Variants in SMC6 observed in about 807,000 individuals in gnomAD.
SMC6 encodes the protein structural maintenance of chromosomes 6.
SMC6 carries 79 observed loss-of-function variants against 142.2 expected under a neutral mutation model. The ratio of observed to expected loss-of-function variants is 0.56; its 90% CI spans 0.46 to 0.67. The LOEUF is 0.67. SMC6 is among the 30% of genes least tolerant of loss of function. SMC6 has a pLI of 0.00. For missense variants in SMC6, 1,072 were observed against 1,284.0 expected, an observed-to-expected ratio of 0.83 and a Z score of 2.52; for synonymous variants, 411 against 412.4, an observed-to-expected ratio of 1.00 and a Z score of 0.04.
chr2:17,702,233 C>T (rs1668304341), intron 19 of SMC6, among the ~76,000 whole-genome samples: 1 of 152,072 alleles, frequency 6.6e-6, no homozygotes, highest in Non-Finnish European at 1.5e-5. Context: ...TATTCTAATC[C>T]AGTGGTTTTC....
chr2:17,665,665 TA>T (rs759519914), intron 27 of SMC6, 52 bp from the exon 28 acceptor site: 48 of 1,172,320 alleles, frequency 4.1e-5, no homozygotes, highest in East Asian at 1.3e-4. Context: ...TTTTACCAAT[TA>T]AAAAAAATTC....
At chr2:17,741,168 G>A (rs937924991) in intron 4 of SMC6, among the ~76,000 whole-genome samples, 23 of 152,096 alleles carry the variant, frequency 1.5e-4, no homozygotes, top group African/African-American at 5.6e-4. Context: ...CTAAATAATC[G>A]ATAATTTTCA....
intron 26 of SMC6, among the ~76,000 whole-genome samples, chr2:17,667,117 T>A (rs1666535276): frequency 6.6e-6 from 1 of 152,244 alleles, no homozygotes; most frequent in Non-Finnish European, 1.5e-5. Flanking sequence ...TCAGAAAATA[T>A]TCTCCTGACA....
At chr2:17,686,418 G>A (rs1297890196) in intron 23 of SMC6, among the ~76,000 whole-genome samples, 2 of 152,130 alleles carry the variant, frequency 1.3e-5, no homozygotes, top group African/African-American at 4.8e-5. Context: ...GGAGGCAGAG[G>A]TTGCAGTGAG....
intron 3 of SMC6, among the ~76,000 whole-genome samples, chr2:17,744,519 GCAAA>G (rs764314901): frequency 6.6e-6 from 1 of 152,100 alleles, no homozygotes; most frequent in African/African-American, 2.4e-5. Flanking sequence ...TACATAATCT[GCAAA>G]CAGAGACAGT....
At chr2:17,682,098 A>C (rs1317804714) in intron 24 of SMC6, 9 of 152,156 alleles carry the variant, frequency 5.9e-5, no homozygotes, top group Non-Finnish European at 1.3e-4. Context: ...TTCTGCCTGA[A>C]ACTAAAAAAC....
At chr2:17,714,542 G>A (rs1398419028) in intron 16 of SMC6, among the ~76,000 whole-genome samples, 1 of 152,194 alleles carries the variant, frequency 6.6e-6, no homozygotes, top group Non-Finnish European at 1.5e-5. Flanking sequence ...TTAACTGTGT[G>A]TAATGGGTGC....
chr2:17,751,748 C>T (rs925475888), intron 2 of SMC6, among the ~76,000 whole-genome samples: 3 of 152,168 alleles, frequency 2.0e-5, no homozygotes, highest in Non-Finnish European at 4.4e-5. Context: ...CTGGACTTAT[C>T]GTTGTGTATA....
chr2:17,691,508 TCAA>T (rs750938528), intron 23 of SMC6, among the ~76,000 whole-genome samples: 1 of 151,638 alleles, frequency 6.6e-6, no homozygotes, highest in African/African-American at 2.4e-5. Context: ...TTGACAAAAT[TCAA>T]CAACATTTCA....
intron 4 of SMC6, among the ~76,000 whole-genome samples, 159 bp downstream of exon 4, chr2:17,741,453 T>G (rs1282673295): frequency 6.6e-6 from 1 of 152,244 alleles, no homozygotes; most frequent in African/African-American, 2.4e-5. Flanking sequence ...TTTCTTTAAG[T>G]GTACACTGGC....
intron 8 of SMC6, 117 bp downstream of exon 8, chr2:17,726,272 A>G (rs138895860): frequency 0.013 from 8,150 of 630,540 alleles, 84 homozygotes; most frequent in Non-Finnish European, 0.016. Context: ...TACTTTAAAT[A>G]GATGGCTTTA....
chr2:17,714,100 T>G (rs1313018625), intron 16 of SMC6, among the ~76,000 whole-genome samples: 1 of 151,562 alleles, frequency 6.6e-6, no homozygotes, highest in African/African-American at 2.4e-5. Flanking sequence ...TTGTTTTTTT[T>G]TTTTTTGAGA....
chr2:17,679,508 A>C lies in SMC6; in HGVS notation c.2805-544T>G, dbSNP rs909889819. ...CTATCTTTCCTTCTCTATATATTAG[A>C]TGGCATTTTACTGTAAGGAACTTTC... On this transcript the variant is annotated intron_variant, in intron 24 of 27. Coordinates refer to ENST00000448223, the MANE Select transcript of SMC6 (RefSeq NM_001142286.2). 14 of 152,230 alleles carry C rather than the reference A, an allele frequency of 9.2e-5. 1 individual carries two copies. Among genetic ancestry groups the C allele is most frequent in the African/African-American group, 3.4e-4 (14 of 41,434 alleles). The allele number at this position is 152,230 out of a possible 1,614,324, so 9.4% of individuals were successfully genotyped here. A position where few individuals can be genotyped will look rare whatever the true frequency, so the allele number is the denominator to read the frequency against.
Position 17,753,790 on chromosome 2 carries a change from G to A in SMC6, c.-257C>T, listed in dbSNP as rs1671234989. The A allele has an allele frequency of 1.3e-5, 2 of 152,232 alleles. No homozygotes were observed. The highest frequency in any genetic ancestry group is 4.1e-4 in the South Asian group (2 of 4,838). The allele number at this position is 152,232 out of a possible 1,614,324, so 9.4% of individuals were successfully genotyped here. ...AGAAGGTAGATTCCCGGGAGCCCCG[G>A]CGCCCACCGCGGTACTAACCGCGCC... On this transcript the variant is annotated 5_prime_UTR_variant, in exon 1 of 28. Transcript: ENST00000448223.
intron 26 of SMC6, among the ~76,000 whole-genome samples, chr2:17,668,266 C>T (rs761965882): frequency 3.9e-5 from 6 of 152,152 alleles, no homozygotes; most frequent in African/African-American, 9.7e-5. Flanking sequence ...TTCTATGACT[C>T]GTGATTAGCT....
chr2:17,673,307 A>T (rs2103481097), intron 25 of SMC6, among the ~76,000 whole-genome samples: 1 of 152,278 alleles, frequency 6.6e-6, no homozygotes, highest in Admixed American at 6.5e-5. Context: ...CATCACAAAT[A>T]TCTTTTCCTA....
At position 17,665,533 on chromosome 2, in the gene SMC6, G is replaced by A; in HGVS notation, c.3242C>T (p.Pro1081Leu). 1 of 1,610,448 alleles carries A rather than the reference G, an allele frequency of 6.2e-7. No homozygotes were observed. Among genetic ancestry groups the A allele is most frequent in the Non-Finnish European group, 8.5e-7 (1 of 1,178,062 alleles). The change falls in exon 28 of 28, where the codon CCT (proline) becomes CTT (leucine). Residue 1081 changes from proline (P) to leucine (L), a missense_variant. Pro to Leu is a moderately conservative substitution (Grantham distance 98, BLOSUM62 -3). Transcript: ENST00000448223. The part of the protein sequence containing the change: ...ERGQTTLPFR[P>L]VTQEEDDDQR ...GTCATCATCTTCTTCTTGAGTCACA[G>A]GTCTGAAAGGCAATGTAGTTTGTCC... is the stretch of plus-strand genomic sequence containing the variant.
At chr2:17,707,123 C>G (rs1668548524) in intron 18 of SMC6, 96 bp downstream of exon 18, 1 of 969,426 alleles carries the variant, frequency 1.0e-6, no homozygotes, top group East Asian at 2.8e-5. Flanking sequence ...TTACTCACGT[C>G]CTCACTGAAA....
At position 17,731,069 on chromosome 2, in the gene SMC6, A is replaced by C; in HGVS notation, c.543+9T>G. On this transcript the variant is annotated intron_variant, in intron 7 of 27. Transcript: ENST00000448223. ...ATGAATTAATCTGAAACACAAATTC[A>C]CCAATTACCTGGATGTTAAAATGAT... 6.2e-7 allele frequency: 1 copy of C among 1,605,882 alleles called. No homozygotes were observed. Among genetic ancestry groups the C allele is most frequent in the Non-Finnish European group, 8.5e-7 (1 of 1,174,698 alleles).
Sources: allele counts gnomAD v4.1 joint callset (sites outside exome capture counted in the v4.1 genomes callset), GRCh38; gene constraint gnomAD v4.1.1; transcripts MANE v1.5; gene names NCBI Gene and HGNC (gene_info 2026-07-23, HGNC 2026-07-21).